The following KHDRBS2 variants were observed in gnomAD, a reference collection of about 807,000 sequenced individuals.
KHDRBS2 encodes KH domain-containing, RNA-binding, signal transduction-associated protein 2.
KHDRBS2 carries 26 observed loss-of-function variants against 44.3 expected under a neutral mutation model. The ratio of observed to expected loss-of-function variants is 0.59; its 90% CI spans 0.43 to 0.81. The LOEUF is 0.81. Among genes scored for constraint, KHDRBS2 ranks in the 40% least tolerant of loss-of-function variants. The pLI, the probability that KHDRBS2 is intolerant of heterozygous loss-of-function variation, is 0.00. For missense variants in KHDRBS2, 476 were observed against 433.1 expected, an observed-to-expected ratio of 1.10 and a Z score of -0.88; for synonymous variants, 194 against 151.1, an observed-to-expected ratio of 1.28 and a Z score of -2.08.
intron 4 of KHDRBS2, among the ~76,000 whole-genome samples, chr6:61,927,072 A>G (rs926995325): frequency 6.6e-6 from 1 of 152,086 alleles, no homozygotes; most frequent in African/African-American, 2.4e-5. Context: ...GCCTAAGATT[A>G]GGATTATGGA....
chr6:62,031,274 A>G (rs985007808), intron 3 of KHDRBS2, among the ~76,000 whole-genome samples: 13 of 151,996 alleles, frequency 8.6e-5, no homozygotes, highest in African/African-American at 2.9e-4. Context: ...ATGTCAAGAA[A>G]ATTGGGTAGG....
chr6:61,706,759 A>G (rs1017643322), intron 7 of KHDRBS2, among the ~76,000 whole-genome samples: 3 of 151,782 alleles, frequency 2.0e-5, no homozygotes, highest in Non-Finnish European at 4.4e-5. Context: ...GCATGAACAG[A>G]ATAATATTGT....
intron 6 of KHDRBS2, among the ~76,000 whole-genome samples, chr6:61,884,239 G>T (rs73478965): frequency 1.3e-5 from 2 of 151,994 alleles, no homozygotes. Flanking sequence ...CTGGAATGCC[G>T]ATAGGCTTAC....
At chr6:62,151,848 G>A (rs1815265783) in intron 2 of KHDRBS2, among the ~76,000 whole-genome samples, 2 of 152,116 alleles carry the variant, frequency 1.3e-5, no homozygotes, top group Admixed American at 1.3e-4. Context: ...CAATCACATG[G>A]ATAAAAAATG....
At chr6:62,075,964 T>C (rs1253926481) in intron 2 of KHDRBS2, among the ~76,000 whole-genome samples, 1 of 151,492 alleles carries the variant, frequency 6.6e-6, no homozygotes, top group Non-Finnish European at 1.5e-5. Flanking sequence ...TGAATGTAGA[T>C]TTTTTTTGCT....
chr6:62,145,565 T>A (rs1315655237), intron 2 of KHDRBS2, among the ~76,000 whole-genome samples: 1 of 144,526 alleles, frequency 6.9e-6, no homozygotes, highest in African/African-American at 2.6e-5. Flanking sequence ...ATTCTTTTTC[T>A]TTCTTTTATT....
intron 8 of KHDRBS2, among the ~76,000 whole-genome samples, chr6:61,696,146 C>T (rs568658355): frequency 6.1e-4 from 92 of 151,498 alleles, no homozygotes; most frequent in African/African-American, 2.1e-3. Flanking sequence ...TGCCAAGCAG[C>T]CTTGGTATTA....
chr6:61,638,999 C>A, the KHDRBS2 span, among the ~76,000 whole-genome samples: 4 of 152,014 alleles, frequency 2.6e-5, no homozygotes, highest in African/African-American at 4.8e-5. Context: ...TGTTTGCATT[C>A]CTCTAAGTGG....
At chr6:61,704,198 C>T (rs1323907774) in intron 7 of KHDRBS2, among the ~76,000 whole-genome samples, 16 of 151,680 alleles carry the variant, frequency 1.1e-4, no homozygotes, top group Non-Finnish European at 7.4e-5. Context: ...AACCATAAAA[C>T]AAAAACAAAT....
intron 6 of KHDRBS2, among the ~76,000 whole-genome samples, chr6:61,861,031 AT>A (rs1259156912): frequency 6.6e-6 from 1 of 151,902 alleles, no homozygotes; most frequent in Non-Finnish European, 1.5e-5. Context: ...AAGTGCATAT[AT>A]TCAGGTCCTT....
intron 3 of KHDRBS2, among the ~76,000 whole-genome samples, chr6:62,039,843 C>G (rs1382865938): frequency 6.6e-6 from 1 of 152,028 alleles, no homozygotes; most frequent in South Asian, 2.1e-4. Flanking sequence ...CATCTAGCAT[C>G]CCTAGTAAAA....
At chr6:62,242,900 T>C (rs1440259341) in intron 1 of KHDRBS2, among the ~76,000 whole-genome samples, 1 of 152,170 alleles carries the variant, frequency 6.6e-6, no homozygotes, top group Non-Finnish European at 1.5e-5. Flanking sequence ...TTTGCTATCA[T>C]ATACTTTGTC....
intron 7 of KHDRBS2, among the ~76,000 whole-genome samples, chr6:61,704,144 C>A (rs1368188992): frequency 6.6e-6 from 1 of 151,828 alleles, no homozygotes; most frequent in Non-Finnish European, 1.5e-5. Context: ...CCAACACATT[C>A]TTTCATTTTC....
intron 4 of KHDRBS2, among the ~76,000 whole-genome samples, chr6:61,945,471 A>C (rs1443072911): frequency 6.6e-6 from 1 of 151,958 alleles, no homozygotes; most frequent in South Asian, 2.1e-4. Context: ...TATATTTCAT[A>C]GCAAGATACA....
chr6:61,553,935 T>C, the KHDRBS2 span, among the ~76,000 whole-genome samples: 1 of 152,202 alleles, frequency 6.6e-6, no homozygotes, highest in African/African-American at 2.4e-5. Flanking sequence ...TGGTCACTTT[T>C]AGAGTGTGTG....
At chr6:62,113,857 C>G (rs1418162580) in intron 2 of KHDRBS2, among the ~76,000 whole-genome samples, 1 of 152,054 alleles carries the variant, frequency 6.6e-6, no homozygotes, top group Non-Finnish European at 1.5e-5. Flanking sequence ...GGCAACATTA[C>G]TGTATTATTC....
Position 61,748,073 on chromosome 6 carries a change from C to A in KHDRBS2, c.811-15309G>T, listed in dbSNP as rs1022625615. On this transcript the variant is annotated intron_variant, in intron 6 of 8. Transcript: ENST00000281156. ...TGGCATGATCTCAGCTCACTGCAAC[C>A]TCTGCCTCTTGGGTTCAAGCGATTC... 4.6e-5 allele frequency among the ~76,000 whole-genome samples: 7 copies of A among 152,138 alleles called. No homozygotes were observed. The South Asian group carries it at 6.2e-4, about 14-fold the overall frequency.
At chr6:62,182,488 T>A (rs1443226395) in intron 1 of KHDRBS2, among the ~76,000 whole-genome samples, 5 of 151,900 alleles carry the variant, frequency 3.3e-5, no homozygotes, top group Non-Finnish European at 7.4e-5. Flanking sequence ...AATAAATAAA[T>A]GTAGTGGGAT....
rs1026634774 is a variant in KHDRBS2, at chr6:62,075,966, T to A, written c.220-27972A>T. Among the ~76,000 whole-genome samples the A allele has an allele frequency of 1.1e-4, 16 of 151,922 alleles. No individual in the cohort carries two copies. In the East Asian group the frequency reaches 1.6e-3, roughly 15 times the overall value. On this transcript the variant is annotated intron_variant, in intron 2 of 8. Coordinates refer to ENST00000281156, the MANE Select transcript of KHDRBS2 (RefSeq NM_152688.4). The stretch of plus-strand genomic sequence containing the variant: ...TTTTTGATCAATTTGAATGTAGATT[T>A]TTTTTGCTGTTATGCTTTTACTCTA...
Sources: gnomAD v4.1 joint callset for allele counts (sites outside exome capture counted in the v4.1 genomes callset) on GRCh38, gnomAD v4.1.1 for gene constraint, MANE v1.5 for transcripts, NCBI Gene and HGNC (gene_info 2026-07-23, HGNC 2026-07-21) for gene names.